OPRD1: variants seen among roughly 807,000 people sequenced by gnomAD.
OPRD1 encodes opioid receptor delta 1.
OPRD1 carries 19 observed loss-of-function variants against 17.5 expected under a neutral mutation model. The observed-to-expected ratio is 1.09, with a 90% CI of 0.76 to 1.60. OPRD1 has a LOEUF of 1.60. OPRD1 is among the 40% of genes most tolerant of loss of function. The probability of loss-of-function intolerance (pLI) is 0.00; values close to 1 mark genes in which losing one functional copy is unlikely to be tolerated. For missense variants in OPRD1, 483 were observed against 547.2 expected (o/e 0.88, Z 1.17); for synonymous variants, 256 against 240.9 (o/e 1.06, Z -0.58).
At chr1:28,835,257 G>A (rs1320796056) in intron 1 of OPRD1, among the ~76,000 whole-genome samples, 2 of 152,170 alleles carry the variant, frequency 1.3e-5, no homozygotes, top group Non-Finnish European at 2.9e-5. Context: ...GGGTGGTGGG[G>A]AGGAGCTGCT....
intron 1 of OPRD1, among the ~76,000 whole-genome samples, chr1:28,839,105 T>A (rs2088876203): frequency 6.6e-6 from 1 of 152,158 alleles, no homozygotes; most frequent in Non-Finnish European, 1.5e-5. Flanking sequence ...TACTGCAGAC[T>A]TGATGGCTTA....
At chr1:28,824,190 A>G (rs2088742692) in intron 1 of OPRD1, among the ~76,000 whole-genome samples, 1 of 151,422 alleles carries the variant, frequency 6.6e-6, no homozygotes, top group South Asian at 2.1e-4. Context: ...AAAAAAAAAA[A>G]AAAAAAAGCC....
chr1:28,860,183 G>A (rs986009507), intron 2 of OPRD1, among the ~76,000 whole-genome samples: 4 of 152,092 alleles, frequency 2.6e-5, no homozygotes, highest in Admixed American at 1.3e-4. Context: ...TGGCCAACAC[G>A]GTGAAACCCT....
In OPRD1 at chr1:28,812,283, G is replaced by C; in HGVS notation, c.-101G>C. 1 of 762,074 alleles carries C rather than the reference G, an allele frequency of 1.3e-6. No individual in the cohort carries two copies. Among genetic ancestry groups the C allele is most frequent in the Non-Finnish European group, 1.7e-6 (1 of 578,194 alleles). The allele number at this position is 762,074 out of a possible 1,614,324, so 47.2% of individuals were successfully genotyped here. A position where few individuals can be genotyped will look rare whatever the true frequency, so the allele number is the denominator to read the frequency against. On this transcript the variant is annotated 5_prime_UTR_variant, in exon 1 of 3. Coordinates refer to ENST00000234961, the MANE Select transcript of OPRD1 (RefSeq NM_000911.4). Reference sequence around the variant, plus strand: ...GGGCGGCCGGGGCGCGGCAGCCGGCGGCGTCGGGGCCGCGGCCTCTGCCTT... The same window carrying C: ...GGGCGGCCGGGGCGCGGCAGCCGGCCGCGTCGGGGCCGCGGCCTCTGCCTT...
chr1:28,850,688 T>A (rs979425225), intron 1 of OPRD1, among the ~76,000 whole-genome samples: 1 of 151,352 alleles, frequency 6.6e-6, no homozygotes, highest in African/African-American at 2.4e-5. Flanking sequence ...GAGTCTGAGG[T>A]GGGAGGATTG....
chr1:28,819,365 G>C (rs1260120848), intron 1 of OPRD1, among the ~76,000 whole-genome samples: 2 of 152,156 alleles, frequency 1.3e-5, no homozygotes, highest in Non-Finnish European at 2.9e-5. Context: ...ACAAGCAGCA[G>C]CCCTGGCTGC....
chr1:28,822,573 C>G (rs426997), intron 1 of OPRD1, among the ~76,000 whole-genome samples: 4,628 of 152,048 alleles, frequency 0.03, 220 homozygotes, highest in African/African-American at 0.1. Flanking sequence ...CTCTGCTCCC[C>G]TGGGTTCAAG....
chr1:28,840,219 C>T (rs74065122), intron 1 of OPRD1, among the ~76,000 whole-genome samples: 7,363 of 152,188 alleles, frequency 0.048, 595 homozygotes, highest in African/African-American at 0.17. Context: ...CTAGGCTCTT[C>T]GTGATAGCCA....
chr1:28,812,542 C>T lies in OPRD1; in HGVS notation c.159C>T (p.Thr53=). ...ASSLALAIAI[T]ALYSAVCAVG... ...CCCTCGCCCTGGCAATCGCCATCAC[C>T]GCGCTCTACTCGGCCGTGTGCGCCG... The change falls in exon 1 of 3, where the codon ACC becomes ACT. Residue 53 remains threonine (T), a synonymous_variant. Transcript: ENST00000234961. 1.3e-6 allele frequency: 2 copies of T among 1,585,356 alleles called. No homozygotes were observed. The highest frequency in any genetic ancestry group is 1.1e-5 in the South Asian group (1 of 88,372).
chr1:28,812,315 C>T lies in OPRD1; in HGVS notation c.-69C>T, dbSNP rs890015770. The stretch of plus-strand genomic sequence containing the variant: ...GGGCCGCGGCCTCTGCCTTGCCGCT[C>T]CCCTCGCGTCGGATCCCCGCGCCCA... On this transcript the variant is annotated 5_prime_UTR_variant, in exon 1 of 3. Transcript: ENST00000234961. 104 of 1,118,302 alleles carry T rather than the reference C, an allele frequency of 9.3e-5. No individual in the cohort carries two copies. The highest frequency in any genetic ancestry group is 1.1e-4 in the Non-Finnish European group (100 of 884,956). The allele number at this position is 1,118,302 out of a possible 1,614,324, so 69.3% of individuals were successfully genotyped here.
chr1:28,812,649 C>G, intron 1 of OPRD1, 39 bp downstream of exon 1: 2 of 1,436,668 alleles, frequency 1.4e-6, no homozygotes, highest in Non-Finnish European at 1.8e-6. Flanking sequence ...GGCTGGAGCC[C>G]GGGGTGAGGG....
intron 1 of OPRD1, among the ~76,000 whole-genome samples, chr1:28,829,027 T>C (rs2088790767): frequency 6.6e-6 from 1 of 150,662 alleles, no homozygotes; most frequent in Non-Finnish European, 1.5e-5. Context: ...AGCATCAGTC[T>C]CTCCTTGAAG....
chr1:28,846,704 AAG>A (rs61567872), intron 1 of OPRD1, among the ~76,000 whole-genome samples: 51,414 of 139,834 alleles, frequency 0.37, 9,877 homozygotes, highest in East Asian at 0.82. Flanking sequence ...AAAAAAAAAA[AAG>A]AGAGAGAGAG....
At chr1:28,846,705 AG>A (rs368739507) in intron 1 of OPRD1, among the ~76,000 whole-genome samples, 3,275 of 83,030 alleles carry the variant, frequency 0.039, 41 homozygotes, top group Non-Finnish European at 0.066. Flanking sequence ...AAAAAAAAAA[AG>A]AGAGAGAGAG....
At position 28,819,244 on chromosome 1, in the gene OPRD1, A is replaced by C. The variant is rs1439293813; in HGVS notation, c.227+6634A>C. Among the ~76,000 whole-genome samples the C allele has an allele frequency of 2.6e-5, 4 of 152,050 alleles. No individual in the cohort carries two copies. In the East Asian group the frequency reaches 7.7e-4, roughly 29 times the overall value. On this transcript the variant is annotated intron_variant, in intron 1 of 2. Transcript: ENST00000234961. Reference sequence around the variant, plus strand: ...GTAATCTCAGCTATTCAAGAGGCTAAGATGTTGATCAGACTGGACAACATA... The same window carrying C: ...GTAATCTCAGCTATTCAAGAGGCTACGATGTTGATCAGACTGGACAACATA...
chr1:28,862,572 C>G (rs867176302), intron 2 of OPRD1, among the ~76,000 whole-genome samples, 170 bp from the exon 3 acceptor site: 1 of 151,178 alleles, frequency 6.6e-6, no homozygotes, highest in Non-Finnish European at 1.5e-5. Flanking sequence ...AAGAGTTCAC[C>G]AAGTACCGAA....
At position 28,830,590 on chromosome 1, in the gene OPRD1, A is replaced by C. The variant is rs193179771; in HGVS notation, c.227+17980A>C. On this transcript the variant is annotated intron_variant, in intron 1 of 2. Transcript: ENST00000234961. ...GATAACCATAAGAGATATAATTATGAAAAATTTGAAATATTGCAAGAATTA... is the reference window on the plus strand; with the variant it reads ...GATAACCATAAGAGATATAATTATGCAAAATTTGAAATATTGCAAGAATTA... 4.8e-4 allele frequency among the ~76,000 whole-genome samples: 73 copies of C among 152,350 alleles called. 1 individual carries two copies. In the East Asian group the frequency reaches 0.012, roughly 25 times the overall value.
chr1:28,816,099 G>C (rs1019954649), intron 1 of OPRD1, among the ~76,000 whole-genome samples: 2 of 152,176 alleles, frequency 1.3e-5, no homozygotes, highest in African/African-American at 4.8e-5. Flanking sequence ...GGCTCTGTGT[G>C]AAGGACTGAA....
In OPRD1 at chr1:28,867,506, AT is replaced by A. The variant is rs950493033; in HGVS notation, c.*4236del. The A allele has an allele frequency of 6.0e-4, 87 of 146,052 alleles. No individual in the cohort carries two copies. The highest frequency in any genetic ancestry group is 2.0e-3 in the South Asian group (9 of 4,590). 9.0% of individuals were successfully genotyped at this position (146,052 alleles called of 1,614,324 possible). On this transcript the variant is annotated 3_prime_UTR_variant, in exon 3 of 3. Coordinates refer to ENST00000234961, the MANE Select transcript of OPRD1 (RefSeq NM_000911.4). ...AGGCGTGAGCCACCAAGCCCGGCCAATTTTTTTTTTTTTCAATAGAGACCAG... is the reference window on the plus strand; with the variant it reads ...AGGCGTGAGCCACCAAGCCCGGCCAATTTTTTTTTTTTCAATAGAGACCAG...
Sources: gnomAD v4.1 joint callset for allele counts (sites outside exome capture counted in the v4.1 genomes callset) on GRCh38, gnomAD v4.1.1 for gene constraint, MANE v1.5 for transcripts, NCBI Gene and HGNC (gene_info 2026-07-23, HGNC 2026-07-21) for gene names.